Variants in SH3RF3 observed in about 807,000 individuals in gnomAD.
SH3RF3 encodes SH3 domain containing ring finger 3, also known as E3 ubiquitin-protein ligase SH3RF3.
In SH3RF3, 29 loss-of-function variants were observed where a neutral mutation model predicts 66.3. That is an observed-to-expected ratio of 0.44 (90% confidence interval 0.33 to 0.60). The LOEUF is 0.60. Ranked by LOEUF, SH3RF3 falls within the 20% of genes least tolerant of loss-of-function variation. SH3RF3 has a pLI of 0.04. For synonymous variants in SH3RF3, 583 were observed against 532.0 expected, an observed-to-expected ratio of 1.10 and a Z score of -1.32; for missense variants, 1,194 against 1,190.9, an observed-to-expected ratio of 1.00 and a Z score of -0.04.
chr2:109,492,765 C>T (rs1054825185), intron 9 of SH3RF3, among the ~76,000 whole-genome samples: 7 of 152,082 alleles, frequency 4.6e-5, no homozygotes, highest in African/African-American at 1.2e-4. Flanking sequence ...CTGTAGGGTG[C>T]GCAGTCAGCA....
chr2:109,187,639 T>A (rs1214914407), intron 1 of SH3RF3, among the ~76,000 whole-genome samples: 1 of 152,236 alleles, frequency 6.6e-6, no homozygotes, highest in Non-Finnish European at 1.5e-5. Context: ...TCTTAGGCTA[T>A]GCCATCTGGA....
intron 1 of SH3RF3, among the ~76,000 whole-genome samples, chr2:109,287,984 C>T (rs573659132): frequency 8.5e-5 from 13 of 152,310 alleles, no homozygotes; most frequent in Middle Eastern, 6.8e-3. Context: ...ATTTGAAAGG[C>T]GAAGTGAGCC....
chr2:109,267,999 T>C (rs1680537968), intron 1 of SH3RF3, among the ~76,000 whole-genome samples: 1 of 151,754 alleles, frequency 6.6e-6, no homozygotes, highest in Non-Finnish European at 1.5e-5. Flanking sequence ...GAAACGGACA[T>C]CCCCACTAAG....
intron 1 of SH3RF3, among the ~76,000 whole-genome samples, chr2:109,155,177 C>T (rs556122244): frequency 6.6e-6 from 1 of 152,342 alleles, no homozygotes; most frequent in East Asian, 1.9e-4. Flanking sequence ...TTGCAAACTA[C>T]AACTTGCTAT....
intron 9 of SH3RF3, among the ~76,000 whole-genome samples, chr2:109,498,433 G>A (rs1573299666): frequency 6.6e-6 from 1 of 152,140 alleles, no homozygotes; most frequent in Admixed American, 6.5e-5. Context: ...CATAGGACTG[G>A]GCCTTGGTCT....
intron 1 of SH3RF3, chr2:109,251,303 G>T (rs1053867416): frequency 7.4e-6 from 3 of 403,638 alleles, no homozygotes; most frequent in African/African-American, 6.2e-5. Flanking sequence ...CACCATGCCC[G>T]GCCCAAATTA....
chr2:109,280,255 G>A (rs955550602), intron 1 of SH3RF3, among the ~76,000 whole-genome samples: 9 of 152,178 alleles, frequency 5.9e-5, no homozygotes, highest in Non-Finnish European at 8.8e-5. Flanking sequence ...AGGACCTAGC[G>A]TGTTGGCACT....
intron 5 of SH3RF3, among the ~76,000 whole-genome samples, chr2:109,427,089 C>A (rs1294239622): frequency 6.6e-6 from 1 of 152,104 alleles, no homozygotes; most frequent in Non-Finnish European, 1.5e-5. Flanking sequence ...TGGCCCTAGC[C>A]TCCCTAGTAG....
chr2:109,289,997 G>T (rs758181797), intron 1 of SH3RF3, among the ~76,000 whole-genome samples: 1 of 152,180 alleles, frequency 6.6e-6, no homozygotes, highest in Non-Finnish European at 1.5e-5. Flanking sequence ...CAGACCACTG[G>T]GGGGACCTTG....
chr2:109,188,936 A>G (rs1477899537), intron 1 of SH3RF3, among the ~76,000 whole-genome samples: 1 of 152,006 alleles, frequency 6.6e-6, no homozygotes, highest in Non-Finnish European at 1.5e-5. Context: ...GTTTAATTAA[A>G]AAAAAAACCT....
intron 1 of SH3RF3, among the ~76,000 whole-genome samples, chr2:109,144,838 G>C (rs1222928573): frequency 6.6e-6 from 1 of 152,230 alleles, no homozygotes; most frequent in Admixed American, 6.5e-5. Context: ...CCAAGAGACG[G>C]GCAGGGGGCG....
chr2:109,198,730 C>G (rs1195889957), intron 1 of SH3RF3, among the ~76,000 whole-genome samples: 1 of 152,072 alleles, frequency 6.6e-6, no homozygotes, highest in Admixed American at 6.5e-5. Flanking sequence ...AAGGTTCCAC[C>G]CTCATGACCT....
In SH3RF3 at chr2:109,490,954, T is replaced by C. The variant is rs1679115657; in HGVS notation, c.2480+18T>C. 2.7e-6 allele frequency: 4 copies of C among 1,458,776 alleles called. No individual in the cohort carries two copies. The highest frequency in any genetic ancestry group is 2.7e-6 in the Non-Finnish European group (3 of 1,103,560). The allele number at this position is 1,458,776 out of a possible 1,614,324, so 90.4% of individuals were successfully genotyped here. On this transcript the variant is annotated intron_variant, in intron 9 of 9. Transcript: ENST00000309415. ...AGAGAGAGGTAAGTGCAGGGGCTTG[T>C]CTGCTCTGTGGCATGCTGTGGTTTG...
At position 109,129,562 on chromosome 2, in the gene SH3RF3, C is replaced by T. The variant is rs752642443; in HGVS notation, c.22C>T (p.Leu8=). The T allele has an allele frequency of 6.0e-6, 9 of 1,490,438 alleles. No individual in the cohort carries two copies. The South Asian group carries it at 1.0e-4, about 17-fold the overall frequency. The allele number at this position is 1,490,438 out of a possible 1,614,324, so 92.3% of individuals were successfully genotyped here. ...CCCCATGCTGCTCGGAGCGTCCTGGCTGTGCGCATCCAAGGCGGCCGCCGC... is the reference window on the plus strand; with the variant it reads ...CCCCATGCTGCTCGGAGCGTCCTGGTTGTGCGCATCCAAGGCGGCCGCCGC... The part of the protein sequence containing the change: MLLGASW[L]CASKAAAAAA... The change falls in exon 1 of 10, where the codon CTG becomes TTG. Residue 8 remains leucine, a synonymous_variant. Coordinates refer to ENST00000309415, the MANE Select transcript of SH3RF3 (RefSeq NM_001099289.3).
intron 9 of SH3RF3, 53 bp from the exon 10 acceptor site, chr2:109,501,450 C>G: frequency 2.7e-6 from 2 of 732,368 alleles, no homozygotes; most frequent in Non-Finnish European, 5.1e-6. Context: ...AAAGCACGAC[C>G]CAGCAGATGG....
intron 1 of SH3RF3, among the ~76,000 whole-genome samples, chr2:109,291,530 A>G (rs1681181855): frequency 6.6e-6 from 1 of 152,198 alleles, no homozygotes; most frequent in Admixed American, 6.5e-5. Context: ...TGAGATGCAC[A>G]TGCCATGTCT....
chr2:109,194,184 C>A (rs1678438946), intron 1 of SH3RF3, among the ~76,000 whole-genome samples: 1 of 152,248 alleles, frequency 6.6e-6, no homozygotes, highest in South Asian at 2.1e-4. Context: ...GTTGGAATCC[C>A]TGAAACAGGC....
At chr2:109,393,397 G>A (rs938022629) in intron 3 of SH3RF3, among the ~76,000 whole-genome samples, 4 of 152,232 alleles carry the variant, frequency 2.6e-5, no homozygotes, top group Non-Finnish European at 5.9e-5. Flanking sequence ...TGGCAGAAAT[G>A]CAGAAACTTG....
intron 8 of SH3RF3, among the ~76,000 whole-genome samples, chr2:109,452,040 A>C (rs1677887161): frequency 6.6e-6 from 1 of 152,264 alleles, no homozygotes; most frequent in Non-Finnish European, 1.5e-5. Flanking sequence ...TAAACAACAA[A>C]GACAAGCACT....
Sources: gnomAD v4.1 joint callset for allele counts (sites outside exome capture counted in the v4.1 genomes callset) on GRCh38, gnomAD v4.1.1 for gene constraint, MANE v1.5 for transcripts, NCBI Gene and HGNC (gene_info 2026-07-23, HGNC 2026-07-21) for gene names.